IHO1: variants seen among roughly 807,000 people sequenced by gnomAD.
The protein encoded by IHO1 is interactor of HORMAD1 protein 1.
A neutral mutation model predicts 31.0 loss-of-function variants in IHO1; 13 were observed. That is an observed-to-expected ratio of 0.42 (90% CI 0.27 to 0.67). The LOEUF (loss-of-function observed/expected upper bound fraction) is 0.67, where lower values mean the gene tolerates loss of function less well. Among genes scored for constraint, IHO1 ranks in the 30% least tolerant of loss-of-function variants. IHO1 has a pLI of 0.24. For synonymous variants in IHO1, 221 were observed against 248.4 expected (o/e 0.89, Z 1.04); for missense variants, 599 against 687.5 (o/e 0.87, Z 1.44).
chr3:49,257,115 T>C lies in IHO1; in HGVS notation c.1618T>C (p.Ser540Pro). 2 of 1,614,082 alleles carry C rather than the reference T, an allele frequency of 1.2e-6. No individual in the cohort carries two copies. The highest frequency in any genetic ancestry group is 2.2e-5 in the South Asian group (2 of 91,072). ...QGRLLQLSRC[S>P]SQDNWLLSSS... The stretch of plus-strand genomic sequence containing the variant: ...AAGACTCTTGCAGCTCAGCAGGTGC[T>C]CTTCCCAAGACAACTGGCTACTTTC... The change falls in exon 8 of 8, where the codon TCT (serine) becomes CCT (proline). Residue 540 changes from serine to proline, a missense_variant. By Grantham distance (74) the Ser-to-Pro change is moderately conservative (BLOSUM62 -1). Transcript: ENST00000452691.
At chr3:49,217,117 A>C (rs2046297384) in intron 2 of IHO1, among the ~76,000 whole-genome samples, 1 of 152,228 alleles carries the variant, frequency 6.6e-6, no homozygotes, top group African/African-American at 2.4e-5. Flanking sequence ...ATACCATTTG[A>C]CTCAGCAATC....
At chr3:49,208,518 G>A (rs766391302) in intron 1 of IHO1, among the ~76,000 whole-genome samples, 1 of 152,126 alleles carries the variant, frequency 6.6e-6, no homozygotes, top group Admixed American at 6.5e-5. Context: ...CGCAACCAAT[G>A]TCCATGGAAA....
chr3:49,239,941 G>A (rs1400805479), intron 3 of IHO1, among the ~76,000 whole-genome samples: 4 of 152,076 alleles, frequency 2.6e-5, no homozygotes, highest in Non-Finnish European at 4.4e-5. Context: ...GATTATAGGC[G>A]TAAGCCACTG....
At chr3:49,229,410 A>G (rs1235831098) in intron 2 of IHO1, among the ~76,000 whole-genome samples, 1 of 152,240 alleles carries the variant, frequency 6.6e-6, no homozygotes, top group Non-Finnish European at 1.5e-5. Context: ...AACAGGAGTC[A>G]TTGATTCAGA....
At chr3:49,214,493 T>G (rs2046259687) in intron 2 of IHO1, among the ~76,000 whole-genome samples, 1 of 149,166 alleles carries the variant, frequency 6.7e-6, no homozygotes, top group Non-Finnish European at 1.5e-5. Context: ...CTTTAACACC[T>G]TCCTGAAGTT....
At chr3:49,194,809 T>C (rs1448518167), upstream of IHO1, among the ~76,000 whole-genome samples, 3 of 151,872 alleles carry the variant, frequency 2.0e-5, no homozygotes, top group Admixed American at 2.0e-4. Flanking sequence ...GGTGGGAGGA[T>C]TGCTTGACCC....
At chr3:49,241,422 C>A in intron 4 of IHO1, 33 bp downstream of exon 4, 1 of 1,559,710 alleles carries the variant, frequency 6.4e-7, no homozygotes, top group South Asian at 1.2e-5. Context: ...TGAAAGAACT[C>A]ACCTTTTCTG....
chr3:49,244,147 G>T (rs955206726), intron 4 of IHO1, among the ~76,000 whole-genome samples: 1 of 151,902 alleles, frequency 6.6e-6, no homozygotes, highest in African/African-American at 2.4e-5. Flanking sequence ...TAGAGACGGG[G>T]TTTCACTGTC....
chr3:49,234,162 G>GTTTTTTTTTTTTTT (rs56802492), intron 2 of IHO1, among the ~76,000 whole-genome samples: 133 of 91,872 alleles, frequency 1.4e-3, no homozygotes, highest in Admixed American at 2.0e-3. Flanking sequence ...TTTTGTTGTT[G>GTTTTTTTTTTTTTT]TTTTTTTTTT....
At chr3:49,199,616 C>T (rs1431717277) in intron 1 of IHO1, 43 bp downstream of exon 1, 1 of 96,078 alleles carries the variant, frequency 1.0e-5, no homozygotes, top group Non-Finnish European at 2.1e-5. Context: ...TGGGGAAAGG[C>T]GGGGGGAGGG....
intron 1 of IHO1, among the ~76,000 whole-genome samples, chr3:49,210,418 G>A (rs2107685314): frequency 6.7e-6 from 1 of 149,938 alleles, no homozygotes; most frequent in Non-Finnish European, 1.5e-5. Flanking sequence ...TTTTTTTTGA[G>A]GCAGAGTCTC....
At chr3:49,235,242 T>G (rs1023272601) in intron 2 of IHO1, among the ~76,000 whole-genome samples, 1 of 151,024 alleles carries the variant, frequency 6.6e-6, no homozygotes, top group Non-Finnish European at 1.5e-5. Flanking sequence ...TTTTTTTTTT[T>G]TTTTTGAGGA....
intron 2 of IHO1, among the ~76,000 whole-genome samples, chr3:49,234,864 T>G (rs897045327): frequency 2.6e-5 from 4 of 152,088 alleles, no homozygotes; most frequent in African/African-American, 9.7e-5. Context: ...TTTTTTTTTT[T>G]GAGACTGAGT....
chr3:49,238,950 C>T (rs2046592713), intron 3 of IHO1, among the ~76,000 whole-genome samples: 1 of 152,144 alleles, frequency 6.6e-6, no homozygotes, highest in Non-Finnish European at 1.5e-5. Context: ...CCTGCCAGAG[C>T]TCTGCTGCCT....
intron 6 of IHO1, among the ~76,000 whole-genome samples, chr3:49,253,318 C>T (rs934504038): frequency 4.0e-5 from 6 of 151,192 alleles, no homozygotes; most frequent in Admixed American, 6.6e-5. Context: ...CTAGCTACTC[C>T]GGAGGCTGAG....
intron 6 of IHO1, among the ~76,000 whole-genome samples, chr3:49,252,711 C>T (rs1247120345): frequency 2.0e-5 from 3 of 152,162 alleles, no homozygotes; most frequent in Non-Finnish European, 4.4e-5. Context: ...AGGTGTGAGC[C>T]ACTGTGCCCA....
chr3:49,210,339 T>C (rs1379997871), intron 1 of IHO1, among the ~76,000 whole-genome samples: 1 of 152,038 alleles, frequency 6.6e-6, no homozygotes, highest in Non-Finnish European at 1.5e-5. Flanking sequence ...TGGGCTCAAG[T>C]GATCCTCCCA....
At chr3:49,230,805 T>C (rs2046471980) in intron 2 of IHO1, among the ~76,000 whole-genome samples, 1 of 152,140 alleles carries the variant, frequency 6.6e-6, no homozygotes, top group Non-Finnish European at 1.5e-5. Context: ...TAAAATGACT[T>C]TCAAAAATTA....
At chr3:49,242,807 A>G (rs2046646982) in intron 4 of IHO1, among the ~76,000 whole-genome samples, 1 of 152,180 alleles carries the variant, frequency 6.6e-6, no homozygotes, top group African/African-American at 2.4e-5. Context: ...CTCCATCTCA[A>G]ACAAACAAGC....
Sources: allele counts gnomAD v4.1 joint callset (sites outside exome capture counted in the v4.1 genomes callset), GRCh38; gene constraint gnomAD v4.1.1; transcripts MANE v1.5; gene names NCBI Gene and HGNC (gene_info 2026-07-23, HGNC 2026-07-21).